The following DYM variants were observed in gnomAD, a reference collection of about 807,000 sequenced individuals.
The protein encoded by DYM is dymeclin.
In DYM, 78 loss-of-function variants were observed where a neutral mutation model predicts 93.1. That is an observed-to-expected ratio of 0.84 (90% CI 0.70 to 1.01). The LOEUF (loss-of-function observed/expected upper bound fraction) is 1.01, where lower values mean the gene tolerates loss of function less well. DYM is among the 50% of genes least tolerant of loss of function. DYM has a pLI of 0.00. For synonymous variants in DYM, 321 were observed against 319.7 expected, an observed-to-expected ratio of 1.00 and a Z score of -0.04; for missense variants, 789 against 845.0, an observed-to-expected ratio of 0.93 and a Z score of 0.82.
chr18:49,227,565 C>A (rs1158234808), intron 13 of DYM, among the ~76,000 whole-genome samples: 1 of 152,154 alleles, frequency 6.6e-6, no homozygotes, highest in East Asian at 1.9e-4. Flanking sequence ...CATCCACAGT[C>A]TCTCACCCTT....
chr18:49,218,573 A>G (rs200722481), intron 13 of DYM, among the ~76,000 whole-genome samples: 11,734 of 151,880 alleles, frequency 0.077, 705 homozygotes, highest in East Asian at 0.3. Context: ...CCACAGTGCA[A>G]TGAAACTAGA....
At chr18:49,320,529 C>G (rs1322863573) in intron 8 of DYM, among the ~76,000 whole-genome samples, 1 of 152,140 alleles carries the variant, frequency 6.6e-6, no homozygotes, top group East Asian at 1.9e-4. Flanking sequence ...GGCTGAAGTG[C>G]AATGTCACAA....
chr18:49,146,881 T>C (rs1433654916), intron 15 of DYM, among the ~76,000 whole-genome samples: 1 of 152,132 alleles, frequency 6.6e-6, no homozygotes, highest in African/African-American at 2.4e-5. Flanking sequence ...AGAGCCCGCA[T>C]CGCCAAGTCA....
rs922904509 is a variant in DYM at position 49,040,910 on chromosome 18, C to T, written c.*3145G>A. Among the ~76,000 whole-genome samples the T allele has an allele frequency of 6.6e-6, 1 of 152,208 alleles. No homozygotes were observed. Among genetic ancestry groups the T allele is most frequent in the Non-Finnish European group, 1.5e-5 (1 of 68,034 alleles). On this transcript the variant is annotated 3_prime_UTR_variant, in exon 18 of 18. Coordinates refer to ENST00000675505, the MANE Select transcript of DYM (RefSeq NM_001353214.3). ...TAAAAGTTTCCCTCACTAAATATTTCTCTTGGATGTACCTTAGCAAGCTCT... is the reference window on the plus strand; with the variant it reads ...TAAAAGTTTCCCTCACTAAATATTTTTCTTGGATGTACCTTAGCAAGCTCT...
Position 49,433,821 on chromosome 18 carries a change from T to C in DYM, c.-53-3374A>G, listed in dbSNP as rs368708955. Among the ~76,000 whole-genome samples the C allele has an allele frequency of 1.3e-3, 205 of 152,176 alleles. 2 individuals are homozygous for C. Among genetic ancestry groups the C allele is most frequent in the African/African-American group, 4.8e-3 (199 of 41,528 alleles). On this transcript the variant is annotated intron_variant, in intron 1 of 17. Transcript: ENST00000675505. Reference sequence around the variant, plus strand: ...AAGTGGAGATTGCAGTGAGCCGAGATTGTGCCACTGCAATCCAGCCTGGGC... The same window carrying C: ...AAGTGGAGATTGCAGTGAGCCGAGACTGTGCCACTGCAATCCAGCCTGGGC...
intron 8 of DYM, among the ~76,000 whole-genome samples, chr18:49,289,706 A>T (rs1374922836): frequency 7.5e-6 from 1 of 133,706 alleles, no homozygotes; most frequent in East Asian, 2.1e-4. Context: ...ATAAGCCCCT[A>T]TCTCAAATAT....
At chr18:49,103,191 T>C (rs1458902177) in intron 16 of DYM, among the ~76,000 whole-genome samples, 2 of 152,242 alleles carry the variant, frequency 1.3e-5, no homozygotes, top group East Asian at 3.8e-4. Flanking sequence ...TTTTCATGTG[T>C]CTTTTGGCTG....
At chr18:49,176,465 C>G (rs916938480) in intron 14 of DYM, among the ~76,000 whole-genome samples, 2 of 151,018 alleles carry the variant, frequency 1.3e-5, no homozygotes, top group Admixed American at 1.3e-4. Context: ...GGCTAGAGTA[C>G]AGTGGTGCAA....
intron 16 of DYM, among the ~76,000 whole-genome samples, chr18:49,117,655 C>T (rs2082020398): frequency 6.6e-6 from 1 of 152,154 alleles, no homozygotes. Context: ...AACTCTAAAA[C>T]TCCTCTCTAA....
intron 13 of DYM, among the ~76,000 whole-genome samples, chr18:49,218,238 C>G (rs1162457352): frequency 1.3e-5 from 2 of 152,140 alleles, no homozygotes; most frequent in Non-Finnish European, 2.9e-5. Flanking sequence ...AATACAGGAG[C>G]ACCCAGATTC....
At chr18:49,120,528 C>T (rs934567372) in intron 15 of DYM, among the ~76,000 whole-genome samples, 1 of 152,178 alleles carries the variant, frequency 6.6e-6, no homozygotes, top group Admixed American at 6.5e-5. Context: ...AAGTGGCATA[C>T]TACAGTTGCT....
intron 14 of DYM, among the ~76,000 whole-genome samples, chr18:49,172,186 A>G (rs1286346025): frequency 6.6e-6 from 1 of 152,128 alleles, no homozygotes; most frequent in Non-Finnish European, 1.5e-5. Flanking sequence ...AAATGCATCC[A>G]TGCTGTTTTG....
chr18:49,406,109 A>G (rs75725967), intron 2 of DYM, among the ~76,000 whole-genome samples: 13,910 of 152,180 alleles, frequency 0.091, 854 homozygotes, highest in East Asian at 0.31. Flanking sequence ...TGCTCTAGGA[A>G]TCTTCTGGAG....
intron 6 of DYM, among the ~76,000 whole-genome samples, chr18:49,354,346 G>A (rs1450058355): frequency 6.6e-6 from 1 of 152,022 alleles, no homozygotes; most frequent in East Asian, 1.9e-4. Context: ...CACAATCCAT[G>A]AAAGAAATTA....
At chr18:49,404,948 G>C (rs927783388) in intron 2 of DYM, among the ~76,000 whole-genome samples, 1 of 151,596 alleles carries the variant, frequency 6.6e-6, no homozygotes, top group Non-Finnish European at 1.5e-5. Flanking sequence ...GGGAGGCAGA[G>C]GTTGCAGTGC....
intron 17 of DYM, among the ~76,000 whole-genome samples, chr18:49,058,975 T>C (rs1599421307): frequency 6.6e-6 from 1 of 152,156 alleles, no homozygotes; most frequent in African/African-American, 2.4e-5. Flanking sequence ...TTTTGGAACT[T>C]GTACAATGAA....
chr18:49,205,081 C>T (rs1381011331), intron 14 of DYM, among the ~76,000 whole-genome samples: 1 of 152,162 alleles, frequency 6.6e-6, no homozygotes, highest in Admixed American at 6.5e-5. Flanking sequence ...CTGCCTCAGC[C>T]TCCCAAGTAG....
chr18:49,062,366 A>G (rs1352024539), intron 17 of DYM, among the ~76,000 whole-genome samples: 3 of 152,174 alleles, frequency 2.0e-5, no homozygotes, highest in Non-Finnish European at 4.4e-5. Context: ...ACTCTTATCT[A>G]GCCCAGCTCA....
chr18:49,401,719 G>A (rs921043097), intron 2 of DYM, among the ~76,000 whole-genome samples: 3 of 151,994 alleles, frequency 2.0e-5, no homozygotes, highest in South Asian at 2.1e-4. Flanking sequence ...CAGTAAGGAA[G>A]TGGTTATGAA....
Sources: gnomAD v4.1 joint callset for allele counts (sites outside exome capture counted in the v4.1 genomes callset) on GRCh38, gnomAD v4.1.1 for gene constraint, MANE v1.5 for transcripts, NCBI Gene and HGNC (gene_info 2026-07-23, HGNC 2026-07-21) for gene names.